Variants in TBC1D32 observed in about 807,000 individuals in gnomAD.
The protein encoded by TBC1D32 is TBC1 domain family member 32, also known as protein broad-minded.
A neutral mutation model predicts 170.3 loss-of-function variants in TBC1D32; 151 were observed. That is an observed-to-expected ratio of 0.89 (90% CI 0.78 to 1.01). The LOEUF is 1.01. Ranked by LOEUF, TBC1D32 falls within the 50% of genes least tolerant of loss-of-function variation. TBC1D32 has a pLI of 0.00. For missense variants in TBC1D32, 1,464 were observed against 1,457.1 expected, an observed-to-expected ratio of 1.00 and a Z score of -0.08; for synonymous variants, 498 against 488.0, an observed-to-expected ratio of 1.02 and a Z score of -0.27.
intron 17 of TBC1D32, among the ~76,000 whole-genome samples, chr6:121,248,961 T>C (rs1797963585): frequency 6.6e-6 from 1 of 151,858 alleles, no homozygotes; most frequent in Non-Finnish European, 1.5e-5. Context: ...GAAGTCAGTA[T>C]CACCCTAATA....
intron 24 of TBC1D32, among the ~76,000 whole-genome samples, chr6:121,133,798 T>A (rs1345851814): frequency 6.6e-6 from 1 of 152,064 alleles, no homozygotes. Context: ...TCAGTACTAA[T>A]CTATTTTATT....
chr6:121,276,094 T>C (rs1802167985), intron 15 of TBC1D32, among the ~76,000 whole-genome samples: 1 of 141,964 alleles, frequency 7.0e-6, no homozygotes, highest in Non-Finnish European at 1.5e-5. Flanking sequence ...CACTCCAGCC[T>C]GGGCAACAGA....
chr6:121,242,518 T>C (rs759247142), intron 17 of TBC1D32, among the ~76,000 whole-genome samples, 179 bp from the exon 18 acceptor site: 13 of 152,120 alleles, frequency 8.5e-5, no homozygotes, highest in Non-Finnish European at 1.8e-4. Context: ...GGTAGTGAAT[T>C]CTTTTATTCT....
intron 24 of TBC1D32, among the ~76,000 whole-genome samples, chr6:121,155,667 T>C (rs970337540): frequency 3.3e-5 from 5 of 152,146 alleles, no homozygotes; most frequent in African/African-American, 1.2e-4. Flanking sequence ...TCTTATTATT[T>C]TGAGATATGT....
intron 1 of TBC1D32, among the ~76,000 whole-genome samples, chr6:121,331,369 C>T (rs534637345): frequency 2.9e-5 from 3 of 102,896 alleles, no homozygotes; most frequent in South Asian, 5.0e-4. Context: ...CTACCATGCC[C>T]GGCTAATTTT....
intron 24 of TBC1D32, among the ~76,000 whole-genome samples, chr6:121,148,772 C>T (rs1783815232): frequency 6.6e-6 from 1 of 152,140 alleles, no homozygotes; most frequent in African/African-American, 2.4e-5. Context: ...TGCCACCATG[C>T]CCAGCGAATG....
intron 30 of TBC1D32, among the ~76,000 whole-genome samples, chr6:121,105,015 T>C (rs1162924637): frequency 6.6e-6 from 1 of 151,794 alleles, no homozygotes; most frequent in African/African-American, 2.4e-5. Context: ...CATTAAGACA[T>C]AATACAAAGT....
rs67847088 is a variant in TBC1D32 at position 121,308,686 on chromosome 6, C to CTTTTTTTTTTTTTTTTTT, written c.565-603_565-586dup. ...CTGTATTTTCACAGAAAGCTTACTT[C>CTTTTTTTTTTTTTTTTTT]TTTTTTTTTTTTTTTTTTTTGAGAC... is the stretch of plus-strand genomic sequence containing the variant. On this transcript the variant is annotated intron_variant, in intron 4 of 31. Transcript: ENST00000398212. Among the ~76,000 whole-genome samples, 54 of 112,532 alleles carry CTTTTTTTTTTTTTTTTTT rather than the reference C, an allele frequency of 4.8e-4. 8 individuals carry two copies. Among genetic ancestry groups the CTTTTTTTTTTTTTTTTTT allele is most frequent in the African/African-American group, 1.9e-3 (50 of 25,822 alleles). 73.8% of individuals were successfully genotyped at this position (112,532 alleles called of 152,430 possible). A position where few individuals can be genotyped will look rare whatever the true frequency, so the allele number is the denominator to read the frequency against.
intron 15 of TBC1D32, among the ~76,000 whole-genome samples, chr6:121,269,356 T>G (rs1801019185): frequency 6.6e-6 from 1 of 152,104 alleles, no homozygotes; most frequent in Admixed American, 6.6e-5. Flanking sequence ...GTGTGCTATA[T>G]TCAGGAGACC....
intron 22 of TBC1D32, among the ~76,000 whole-genome samples, chr6:121,161,938 G>C (rs1298290080): frequency 6.6e-6 from 1 of 152,134 alleles, no homozygotes; most frequent in African/African-American, 2.4e-5. Flanking sequence ...GATCAGTGAT[G>C]TTAAACTTTT....
chr6:121,156,574 G>GT (rs200455674), intron 24 of TBC1D32, among the ~76,000 whole-genome samples: 1,883 of 151,256 alleles, frequency 0.012, 38 homozygotes, highest in African/African-American at 0.043. Flanking sequence ...AGTCAGGTGG[G>GT]TTTTTTTTCC....
In TBC1D32 at chr6:121,299,710, A is replaced by G. The variant is rs534035767; in HGVS notation, c.1081-205T>C. Among the ~76,000 whole-genome samples, 8 of 152,142 alleles carry G rather than the reference A, an allele frequency of 5.3e-5. No homozygotes were observed. The South Asian group carries it at 1.7e-3, about 31-fold the overall frequency. On this transcript the variant is annotated intron_variant, in intron 9 of 31. Coordinates refer to ENST00000398212, the MANE Select transcript of TBC1D32 (RefSeq NM_152730.6). ...ATGCAAATCGTATCAAAAAACTTGC[A>G]GATCATTTAGTGACTGACCAGTAGA...
chr6:121,081,056 T>C (rs749234951), intron 31 of TBC1D32, among the ~76,000 whole-genome samples, 166 bp from the exon 32 acceptor site: 3 of 152,194 alleles, frequency 2.0e-5, no homozygotes, highest in African/African-American at 4.8e-5. Context: ...GAGCTGTGCA[T>C]ATATGTGACA....
At chr6:121,104,607 A>C (rs1055834126) in intron 30 of TBC1D32, among the ~76,000 whole-genome samples, 2 of 151,754 alleles carry the variant, frequency 1.3e-5, no homozygotes, top group Admixed American at 6.6e-5. Context: ...TCTAGAAAAA[A>C]TATAACAATG....
rs369584864 is a variant in TBC1D32 at position 121,131,727 on chromosome 6, T to C, written c.2799A>G (p.Leu933=). The change falls in exon 25 of 32, where the codon TTA becomes TTG. Residue 933 remains leucine, a synonymous_variant. Coordinates refer to ENST00000398212, the MANE Select transcript of TBC1D32 (RefSeq NM_152730.6). ...TTTGTTTATCAGATATTTTGAGGCA[T>C]AATAAAAGCTTGTCAAGATCATTGT... The part of the protein sequence containing the change: ...KQDNDLDKLL[L]CLKISDKQTE... The C allele has an allele frequency of 2.6e-4, 417 of 1,602,442 alleles. No homozygotes were observed. The Middle Eastern group carries it at 3.8e-3, about 15-fold the overall frequency.
intron 31 of TBC1D32, among the ~76,000 whole-genome samples, chr6:121,090,283 T>G (rs1184580816): frequency 6.6e-6 from 1 of 152,202 alleles, no homozygotes; most frequent in African/African-American, 2.4e-5. Context: ...CACCAAAAAA[T>G]GAACACTGGG....
At chr6:121,195,013 G>A (rs546755649) in intron 22 of TBC1D32, among the ~76,000 whole-genome samples, 2 of 152,346 alleles carry the variant, frequency 1.3e-5, no homozygotes, top group Admixed American at 6.5e-5. Context: ...TACTTCTAAA[G>A]TGAAGGATAA....
At chr6:121,276,821 A>C (rs1802285893) in intron 15 of TBC1D32, among the ~76,000 whole-genome samples, 2 of 152,206 alleles carry the variant, frequency 1.3e-5, no homozygotes, top group Non-Finnish European at 2.9e-5. Flanking sequence ...AAGGAACATT[A>C]AATAACAATA....
At chr6:121,219,472 A>G (rs1447387876) in intron 21 of TBC1D32, among the ~76,000 whole-genome samples, 1 of 152,222 alleles carries the variant, frequency 6.6e-6, no homozygotes, top group East Asian at 1.9e-4. Flanking sequence ...ACTTAAGAGA[A>G]CAAACATTGA....
Sources: allele counts gnomAD v4.1 joint callset (sites outside exome capture counted in the v4.1 genomes callset), GRCh38; gene constraint gnomAD v4.1.1; transcripts MANE v1.5; gene names NCBI Gene and HGNC (gene_info 2026-07-23, HGNC 2026-07-21).